Variants in PBX1 observed in about 807,000 individuals in gnomAD.
The protein encoded by PBX1 is pre-B-cell leukemia transcription factor 1.
In PBX1, 6 loss-of-function variants were observed where a neutral mutation model predicts 53.4. That is an observed-to-expected ratio of 0.11 (90% CI 0.06 to 0.22). PBX1 has a LOEUF of 0.22. PBX1 is among the 10% of genes least tolerant of loss of function. The pLI is 1.00. For missense variants in PBX1, 251 were observed against 551.4 expected (o/e 0.46, Z 5.46); for synonymous variants, 204 against 212.3 (o/e 0.96, Z 0.34).
At chr1:164,844,669 C>T (rs977311926) in intron 8 of PBX1, among the ~76,000 whole-genome samples, 8 of 152,114 alleles carry the variant, frequency 5.3e-5, no homozygotes, top group East Asian at 1.9e-4. Flanking sequence ...GAAAAATAAA[C>T]GTGGCCGCCA....
At chr1:164,781,516 C>T (rs926385920) in intron 2 of PBX1, among the ~76,000 whole-genome samples, 1 of 152,190 alleles carries the variant, frequency 6.6e-6, no homozygotes, top group Non-Finnish European at 1.5e-5. Flanking sequence ...CACAGGTTTA[C>T]AGTTTAGTCC....
chr1:164,636,859 G>A (rs1249680240), intron 2 of PBX1, among the ~76,000 whole-genome samples: 1 of 152,144 alleles, frequency 6.6e-6, no homozygotes, highest in Non-Finnish European at 1.5e-5. Context: ...AGTTGGGGAT[G>A]TGTGGTTTGT....
At chr1:164,690,380 G>A (rs1320849057) in intron 2 of PBX1, among the ~76,000 whole-genome samples, 1 of 152,162 alleles carries the variant, frequency 6.6e-6, no homozygotes, top group Non-Finnish European at 1.5e-5. Context: ...TGGTTGTCAG[G>A]CCTACTCTGA....
In PBX1 at chr1:164,874,031, C is replaced by T. The variant is rs576463031; in HGVS notation, n.258-25157C>T. Reference sequence around the variant, plus strand: ...AGAAAAAAAAAAAAAGAAAAAGAGGCATGAAAGGAGAGGAGAGGGCACACA... The same window carrying T: ...AGAAAAAAAAAAAAAGAAAAAGAGGTATGAAAGGAGAGGAGAGGGCACACA... On this transcript the variant is annotated intron_variant and non_coding_transcript_variant, in intron 2 of 2. Transcript: ENST00000558796. 1.3e-4 allele frequency among the ~76,000 whole-genome samples: 20 copies of T among 149,078 alleles called. No homozygotes were observed. The East Asian group carries it at 3.3e-3, about 25-fold the overall frequency.
intron 2 of PBX1, among the ~76,000 whole-genome samples, chr1:164,631,882 C>T (rs1475441041): frequency 2.6e-5 from 4 of 152,194 alleles, no homozygotes; most frequent in Non-Finnish European, 5.9e-5. Context: ...TTGGCTGCAG[C>T]GGAGTCAGGA....
intron 2 of PBX1, among the ~76,000 whole-genome samples, chr1:164,565,488 T>C (rs1376075789): frequency 1.3e-5 from 2 of 150,564 alleles, no homozygotes; most frequent in African/African-American, 4.9e-5. Context: ...TGGGTGAAAG[T>C]AGGGGAAAAA....
At chr1:164,712,430 A>G (rs749738858) in intron 2 of PBX1, among the ~76,000 whole-genome samples, 13 of 152,202 alleles carry the variant, frequency 8.5e-5, no homozygotes, top group Non-Finnish European at 1.3e-4. Context: ...GGCTGATAAC[A>G]GGCTGTTAGC....
chr1:164,837,085 T>A (rs1671073713), intron 8 of PBX1, among the ~76,000 whole-genome samples: 2 of 152,194 alleles, frequency 1.3e-5, no homozygotes, highest in Admixed American at 1.3e-4. Context: ...GTAAGGGGTT[T>A]AGCTTCCTGT....
intron 2 of PBX1, among the ~76,000 whole-genome samples, chr1:164,864,643 T>C (rs1343347236): frequency 6.6e-6 from 1 of 152,058 alleles, no homozygotes; most frequent in African/African-American, 2.4e-5. Flanking sequence ...AAAAACATCT[T>C]CCACCTGGCT....
At chr1:164,665,432 G>A (rs1384968825) in intron 2 of PBX1, among the ~76,000 whole-genome samples, 1 of 152,100 alleles carries the variant, frequency 6.6e-6, no homozygotes, top group East Asian at 1.9e-4. Context: ...TTACAGGCAT[G>A]CGCCACTATG....
intron 2 of PBX1, among the ~76,000 whole-genome samples, chr1:164,707,626 G>A (rs925088611): frequency 1.3e-5 from 2 of 152,106 alleles, no homozygotes; most frequent in African/African-American, 4.8e-5. Flanking sequence ...AATGCAGCTG[G>A]GTTTAAGAGT....
At chr1:164,866,425 AC>A (rs1402855928) in intron 2 of PBX1, among the ~76,000 whole-genome samples, 1 of 152,236 alleles carries the variant, frequency 6.6e-6, no homozygotes, top group African/African-American at 2.4e-5. Flanking sequence ...GTCACCAGAT[AC>A]CAGAATACTT....
chr1:164,855,055 C>T (rs1671949452), downstream of PBX1, among the ~76,000 whole-genome samples: 1 of 148,988 alleles, frequency 6.7e-6, no homozygotes, highest in Non-Finnish European at 1.5e-5. Context: ...CTCAAATGAT[C>T]CTCCCACCTC....
At chr1:164,659,313 G>A (rs773370471) in intron 2 of PBX1, among the ~76,000 whole-genome samples, 3 of 152,140 alleles carry the variant, frequency 2.0e-5, no homozygotes, top group Non-Finnish European at 2.9e-5. Context: ...GGGAAAAGGG[G>A]GTAAATCAAA....
intron 2 of PBX1, among the ~76,000 whole-genome samples, chr1:164,750,583 T>G (rs1259696707): frequency 6.6e-6 from 1 of 152,220 alleles, no homozygotes; most frequent in Non-Finnish European, 1.5e-5. Context: ...TGATACCCTT[T>G]GGCTGGTCCA....
intron 5 of PBX1, among the ~76,000 whole-genome samples, chr1:164,808,569 T>C (rs79182271): frequency 0.015 from 2,223 of 152,324 alleles, 61 homozygotes; most frequent in African/African-American, 0.049. Context: ...TGAAGGCTAC[T>C]GTAGCGAGAA....
At chr1:164,855,078 A>C (rs1179619435), downstream of PBX1, among the ~76,000 whole-genome samples, 2 of 151,118 alleles carry the variant, frequency 1.3e-5, no homozygotes, top group Non-Finnish European at 2.9e-5. Flanking sequence ...CTACCCAAGT[A>C]GCTGGGACTT....
intron 2 of PBX1, among the ~76,000 whole-genome samples, chr1:164,672,884 T>G (rs1274549901): frequency 6.6e-6 from 1 of 152,234 alleles, no homozygotes; most frequent in African/African-American, 2.4e-5. Context: ...ATGTAACCAC[T>G]TCAAAGGCAG....
chr1:164,757,361 T>C (rs1040764833), intron 2 of PBX1, among the ~76,000 whole-genome samples: 4 of 152,176 alleles, frequency 2.6e-5, no homozygotes, highest in African/African-American at 9.7e-5. Context: ...GCAAATGCCA[T>C]TGGAAACTAA....
Sources: allele counts gnomAD v4.1 joint callset (sites outside exome capture counted in the v4.1 genomes callset), GRCh38; gene constraint gnomAD v4.1.1; transcripts MANE v1.5; gene names NCBI Gene and HGNC (gene_info 2026-07-23, HGNC 2026-07-21).